PRSS12: variants seen among roughly 807,000 people sequenced by gnomAD.
PRSS12 encodes the protein neurotrypsin.
PRSS12 carries 85 observed loss-of-function variants against 104.4 expected under a neutral mutation model. That is an observed-to-expected ratio of 0.81 (90% CI 0.68 to 0.98). The LOEUF (loss-of-function observed/expected upper bound fraction) is 0.98. PRSS12 is among the 50% of genes least tolerant of loss of function. The pLI is 0.00. For synonymous variants in PRSS12, 454 were observed against 425.2 expected, an observed-to-expected ratio of 1.07 and a Z score of -0.83; for missense variants, 1,141 against 1,139.2, an observed-to-expected ratio of 1.00 and a Z score of -0.02.
intron 9 of PRSS12, 110 bp downstream of exon 9, chr4:118,298,623 T>C: frequency 9.0e-7 from 1 of 1,117,272 alleles, no homozygotes; most frequent in Non-Finnish European, 1.3e-6. Context: ...AAGACATGGA[T>C]CTGTATACGT....
At position 118,281,184 on chromosome 4, in the gene PRSS12, T is replaced by C. The variant is rs1578897957; in HGVS notation, c.*752A>G. 1.3e-5 allele frequency: 2 copies of C among 152,498 alleles called. No homozygotes were observed. Among genetic ancestry groups the C allele is most frequent in the Non-Finnish European group, 2.9e-5 (2 of 68,172 alleles). 9.4% of individuals were successfully genotyped at this position (152,498 alleles called of 1,614,324 possible). Reference sequence around the variant, plus strand: ...TTAAAAGCAAATATAGTAGATATGTTAATGTGTTGGATAAAATAGGTTGTA... The same window carrying C: ...TTAAAAGCAAATATAGTAGATATGTCAATGTGTTGGATAAAATAGGTTGTA... On this transcript the variant is annotated 3_prime_UTR_variant, in exon 13 of 13. Coordinates refer to ENST00000296498, the MANE Select transcript of PRSS12 (RefSeq NM_003619.4).
intron 12 of PRSS12, 74 bp downstream of exon 12, chr4:118,282,757 G>T (rs1742915110): frequency 1.3e-6 from 2 of 1,588,980 alleles, no homozygotes; most frequent in Admixed American, 3.3e-5. Context: ...AGATCTTATT[G>T]CCCATTGCAC....
chr4:118,314,056 G>C (rs1364270882), intron 6 of PRSS12, among the ~76,000 whole-genome samples: 3 of 152,058 alleles, frequency 2.0e-5, no homozygotes, highest in African/African-American at 7.2e-5. Context: ...AAATAGGAGA[G>C]ATCTGAAAAA....
chr4:118,351,022 T>C (rs778496323), intron 1 of PRSS12, among the ~76,000 whole-genome samples: 26 of 152,202 alleles, frequency 1.7e-4, no homozygotes, highest in Admixed American at 4.6e-4. Flanking sequence ...TATAGCTACA[T>C]TGGCATTCTG....
At chr4:118,308,872 T>C (rs989806213) in intron 7 of PRSS12, among the ~76,000 whole-genome samples, 3 of 152,174 alleles carry the variant, frequency 2.0e-5, no homozygotes, top group Non-Finnish European at 2.9e-5. Context: ...AACAGCATTA[T>C]AAAACTGTGA....
chr4:118,299,153 C>T (rs1743329825), intron 8 of PRSS12, among the ~76,000 whole-genome samples: 1 of 152,204 alleles, frequency 6.6e-6, no homozygotes, highest in African/African-American at 2.4e-5. Context: ...TATTACATCA[C>T]TTGCCTCTAA....
chr4:118,341,143 G>A (rs765051589), intron 1 of PRSS12, among the ~76,000 whole-genome samples: 10 of 152,136 alleles, frequency 6.6e-5, no homozygotes, highest in Non-Finnish European at 1.5e-4. Flanking sequence ...TTGGAAAAGA[G>A]GAATTCTAGT....
intron 4 of PRSS12, among the ~76,000 whole-genome samples, chr4:118,325,955 C>T (rs1723758335): frequency 2.0e-5 from 3 of 152,090 alleles, no homozygotes; most frequent in Admixed American, 2.0e-4. Context: ...ATTTCCAATC[C>T]CTATTCAAAA....
At chr4:118,349,973 A>G (rs1032929814) in intron 1 of PRSS12, among the ~76,000 whole-genome samples, 1 of 152,202 alleles carries the variant, frequency 6.6e-6, no homozygotes, top group African/African-American at 2.4e-5. Context: ...ACTGCACTCC[A>G]GCCTGGGTGA....
intron 7 of PRSS12, 95 bp downstream of exon 7, chr4:118,313,106 G>GACC: frequency 6.8e-7 from 1 of 1,465,250 alleles, no homozygotes; most frequent in Non-Finnish European, 9.3e-7. Context: ...CCCAAAAAAA[G>GACC]CCAAAGATGA....
intron 11 of PRSS12, 138 bp downstream of exon 11, chr4:118,294,801 C>T (rs1053981647): frequency 1.1e-5 from 14 of 1,230,694 alleles, no homozygotes; most frequent in Non-Finnish European, 1.5e-5. Flanking sequence ...GTCACTCCCT[C>T]ATTCCACAGG....
Position 118,280,166 on chromosome 4 carries a change from T to A in PRSS12, c.*1770A>T, listed in dbSNP as rs538890449. ...ATGTATTCTTAAGGATTGAGCAAAC[T>A]GCAGGCTGCTTGCTGCCTTTTAGGT... On this transcript the variant is annotated 3_prime_UTR_variant, in exon 13 of 13. Coordinates refer to ENST00000296498, the MANE Select transcript of PRSS12 (RefSeq NM_003619.4). The A allele has an allele frequency of 6.6e-6, 1 of 152,378 alleles. No homozygotes were observed. Among genetic ancestry groups the A allele is most frequent in the African/African-American group, 2.4e-5 (1 of 41,592 alleles). 9.4% of individuals were successfully genotyped at this position (152,378 alleles called of 1,614,324 possible).
chr4:118,328,818 G>A (rs1723847694), intron 4 of PRSS12, among the ~76,000 whole-genome samples: 1 of 152,020 alleles, frequency 6.6e-6, no homozygotes, highest in Admixed American at 6.6e-5. Flanking sequence ...TCTTGAAACG[G>A]AGTCTTGCTC....
intron 1 of PRSS12, among the ~76,000 whole-genome samples, chr4:118,340,948 T>A (rs548151289): frequency 9.2e-5 from 14 of 152,352 alleles, no homozygotes; most frequent in African/African-American, 3.4e-4. Context: ...TTGTTTTGTT[T>A]TTTTCTGGGT....
chr4:118,351,919 G>C (rs1225081292), intron 1 of PRSS12, among the ~76,000 whole-genome samples: 1 of 151,500 alleles, frequency 6.6e-6, no homozygotes, highest in Non-Finnish European at 1.5e-5. Flanking sequence ...CCCAATACAC[G>C]AGCGCACACA....
At chr4:118,318,722 T>G (rs1296561767) in intron 4 of PRSS12, among the ~76,000 whole-genome samples, 166 bp from the exon 5 acceptor site, 1 of 152,202 alleles carries the variant, frequency 6.6e-6, no homozygotes, top group Admixed American at 6.5e-5. Flanking sequence ...TTGTTTGTTG[T>G]CCTTTATATT....
chr4:118,299,551 G>A (rs1029064032), intron 8 of PRSS12, among the ~76,000 whole-genome samples: 10 of 151,530 alleles, frequency 6.6e-5, no homozygotes, highest in African/African-American at 1.7e-4. Context: ...ATGGTGGCAC[G>A]TGCTTGTAAT....
rs1742849931 is a variant in PRSS12 at position 118,281,468 on chromosome 4, A to G, written c.*468T>C. The G allele has an allele frequency of 1.6e-5, 3 of 188,508 alleles. No individual in the cohort carries two copies. In the South Asian group the frequency reaches 3.0e-4, roughly 19 times the overall value. 11.7% of individuals were successfully genotyped at this position (188,508 alleles called of 1,614,324 possible). On this transcript the variant is annotated 3_prime_UTR_variant, in exon 13 of 13. Transcript: ENST00000296498. ...TCCTCACTTGACAAAGGCTACAGAG[A>G]ATATGAAGATTTCTTGTCAAGTCTT...
At chr4:118,322,459 T>C (rs1372193715) in intron 4 of PRSS12, among the ~76,000 whole-genome samples, 7 of 151,524 alleles carry the variant, frequency 4.6e-5, no homozygotes. Flanking sequence ...GGCAGGAGAA[T>C]CACTCAAACC....
Sources: allele counts gnomAD v4.1 joint callset (sites outside exome capture counted in the v4.1 genomes callset), GRCh38; gene constraint gnomAD v4.1.1; transcripts MANE v1.5; gene names NCBI Gene and HGNC (gene_info 2026-07-23, HGNC 2026-07-21).